The following TCFL5 variants were observed in gnomAD, a reference collection of about 807,000 sequenced individuals.
TCFL5 encodes transcription factor like 5.
A neutral mutation model predicts 44.3 loss-of-function variants in TCFL5; 9 were observed. The ratio of observed to expected loss-of-function variants is 0.20; its 90% CI spans 0.12 to 0.35. The LOEUF (loss-of-function observed/expected upper bound fraction) is 0.35. Among genes scored for constraint, TCFL5 ranks in the 10% least tolerant of loss-of-function variants. The probability of loss-of-function intolerance (pLI) is 1.00; values close to 1 mark genes in which losing one functional copy is unlikely to be tolerated. For missense variants in TCFL5, 603 were observed against 613.4 expected (o/e 0.98, Z 0.18); for synonymous variants, 319 against 271.6 (o/e 1.17, Z -1.72).
intron 5 of TCFL5, among the ~76,000 whole-genome samples, chr20:62,844,070 T>A (rs1161750336): frequency 2.0e-5 from 3 of 152,170 alleles, no homozygotes; most frequent in African/African-American, 7.2e-5. Context: ...AAGCATCCAT[T>A]TGGGTCCCTG....
In TCFL5 at chr20:62,851,001, T is replaced by G. The variant is rs894380496; in HGVS notation, c.1380+3015A>C. Among the ~76,000 whole-genome samples, 7 of 152,338 alleles carry G rather than the reference T, an allele frequency of 4.6e-5. No individual in the cohort carries two copies. The East Asian group carries it at 1.3e-3, about 29-fold the overall frequency. Reference sequence around the variant, plus strand: ...CTCCATGCCAGACATGCCTCTATCTTGCGCAGGGTACCCCAGCACCTTCAG... The same window carrying G: ...CTCCATGCCAGACATGCCTCTATCTGGCGCAGGGTACCCCAGCACCTTCAG... On this transcript the variant is annotated intron_variant, in intron 5 of 5. Transcript: ENST00000335351.
chr20:62,857,462 G>T lies in TCFL5; in HGVS notation c.1171C>A (p.Gln391Lys). Reference sequence around the variant, plus strand: ...GACCTTCCTCCCTGGGGCCCACTCTGGGCCTGCTCCCCCAGGTTTGCCTGT... The same window carrying T: ...GACCTTCCTCCCTGGGGCCCACTCTTGGCCTGCTCCCCCAGGTTTGCCTGT... ...SSQANLGEQA[Q>K]SGPQGGRSQR... The change falls in exon 4 of 6, where the codon CAG becomes AAG. Residue 391 changes from glutamine to lysine, a missense_variant. This residue lies in a region of TCFL5 where 540 missense variants were observed against 478.7 expected (regional missense o/e 1.13). Coordinates refer to ENST00000335351, the MANE Select transcript of TCFL5 (RefSeq NM_006602.4). 1 of 1,614,194 alleles carries T rather than the reference G, an allele frequency of 6.2e-7. No homozygotes were observed. Among genetic ancestry groups the T allele is most frequent in the Non-Finnish European group, 8.5e-7 (1 of 1,180,032 alleles).
chr20:62,851,878 T>C (rs1337969490), intron 5 of TCFL5: 1 of 953,802 alleles, frequency 1.0e-6, no homozygotes, highest in Non-Finnish European at 1.2e-6. Context: ...GGTGCTATCT[T>C]GGCTCATTGC....
At chr20:62,846,779 AGAG>A (rs1465884212) in intron 5 of TCFL5, among the ~76,000 whole-genome samples, 1 of 149,262 alleles carries the variant, frequency 6.7e-6, no homozygotes, top group Admixed American at 6.7e-5. Flanking sequence ...AAAAAAAAAA[AGAG>A]AGAAAGAAAA....
rs1299121384 is a variant in TCFL5 at position 62,842,874 on chromosome 20, G to A, written c.1381-777C>T. 1.3e-5 allele frequency among the ~76,000 whole-genome samples: 2 copies of A among 152,208 alleles called. No individual in the cohort carries two copies. Among genetic ancestry groups the A allele is most frequent in the Non-Finnish European group, 2.9e-5 (2 of 68,032 alleles). On this transcript the variant is annotated intron_variant, in intron 5 of 5. Transcript: ENST00000335351. This position sits in a 1 kb window ranked among gnomAD's most constrained non-coding sequence, Gnocchi z 4.3. ...ACTGCCACACACTCAGGGTTCCAAG[G>A]CCAGCAAGGTGGAGGTGCTGCTCGC...
At chr20:62,851,264 TA>T (rs984904707) in intron 5 of TCFL5, among the ~76,000 whole-genome samples, 9 of 152,206 alleles carry the variant, frequency 5.9e-5, no homozygotes, top group African/African-American at 1.9e-4. Context: ...GTGGGTCTAA[TA>T]ATGTGACCCA....
chr20:62,858,278 C>T (rs1038874960), intron 3 of TCFL5, among the ~76,000 whole-genome samples: 4 of 152,254 alleles, frequency 2.6e-5, no homozygotes, highest in Admixed American at 6.5e-5. Context: ...GGACCACAGG[C>T]ACGTGACTGG....
chr20:62,854,321 G>A (rs1433223475), intron 4 of TCFL5, among the ~76,000 whole-genome samples, 164 bp from the exon 5 acceptor site: 2 of 152,210 alleles, frequency 1.3e-5, no homozygotes, highest in Admixed American at 6.5e-5. Flanking sequence ...GCTTTGCCAC[G>A]GCCTTGTCTA....
At chr20:62,859,866 G>A (rs919667768) in intron 2 of TCFL5, among the ~76,000 whole-genome samples, 1 of 151,934 alleles carries the variant, frequency 6.6e-6, no homozygotes, top group Non-Finnish European at 1.5e-5. Flanking sequence ...GATTACAGGT[G>A]TCCGCCACTA....
At position 62,861,183 on chromosome 20, in the gene TCFL5, C is replaced by G. The variant is rs2063998295; in HGVS notation, c.488G>C (p.Gly163Ala). The G allele has an allele frequency of 9.7e-7, 1 of 1,030,052 alleles. No individual in the cohort carries two copies. The highest frequency in any genetic ancestry group is 1.2e-6 in the Non-Finnish European group (1 of 863,952). The allele number at this position is 1,030,052 out of a possible 1,614,324, so 63.8% of individuals were successfully genotyped here. The part of the protein sequence containing the change: ...RADGAAKEGA[G>A]AAAAAAGPDG... ...GGGTCCAGCCGCAGCCGCAGCCGCG[C>G]CCGCGCCCTCCTTGGCGGCGCCGTC... The change falls in exon 1 of 6, where the codon GGC (glycine) becomes GCC (alanine). Residue 163 changes from glycine (G) to alanine (A), a missense_variant. This residue lies in a region of TCFL5 where 540 missense variants were observed against 478.7 expected (regional missense o/e 1.13). Coordinates refer to ENST00000335351, the MANE Select transcript of TCFL5 (RefSeq NM_006602.4). The surrounding 1 kb of genome is among the most constrained non-coding windows in gnomAD (Gnocchi z 4.0).
chr20:62,859,863 G>A (rs1432360217), intron 2 of TCFL5, among the ~76,000 whole-genome samples: 1 of 151,962 alleles, frequency 6.6e-6, no homozygotes, highest in Non-Finnish European at 1.5e-5. Flanking sequence ...TGGGATTACA[G>A]GTGTCCGCCA....
In TCFL5 at chr20:62,861,747, A is replaced by AGGCGACC. The variant is rs1555833249; in HGVS notation, c.-84_-78dup. On this transcript the variant is annotated 5_prime_UTR_variant, in exon 1 of 6. Coordinates refer to ENST00000335351, the MANE Select transcript of TCFL5 (RefSeq NM_006602.4). This position sits in a 1 kb window ranked among gnomAD's most constrained non-coding sequence, Gnocchi z 4.0. ...CGGGAGGCGGGAGGCGGGAGGCGGG[A>AGGCGACC]GGCGACCCCCGGCCCGAGCACTACT... 5 of 143,390 alleles carry AGGCGACC rather than the reference A, an allele frequency of 3.5e-5. No individual in the cohort carries two copies. The highest frequency in any genetic ancestry group is 7.7e-5 in the African/African-American group (3 of 39,020). The allele number at this position is 143,390 out of a possible 1,614,324, so 8.9% of individuals were successfully genotyped here.
chr20:62,845,582 T>G (rs1600826588), intron 5 of TCFL5: 1 of 1,529,968 alleles, frequency 6.5e-7, no homozygotes, highest in African/African-American at 1.4e-5. Context: ...AGTCAGAGCC[T>G]GGGCCGGCTC....
chr20:62,850,107 G>A (rs1379681385), intron 5 of TCFL5, among the ~76,000 whole-genome samples: 1 of 152,138 alleles, frequency 6.6e-6, no homozygotes, highest in South Asian at 2.1e-4. Context: ...ATGGCACTGG[G>A]ATTCTGTGGA....
intron 5 of TCFL5, chr20:62,845,575 C>CA (rs2063731100): frequency 6.6e-7 from 1 of 1,510,976 alleles, no homozygotes. Context: ...AAATGAAAGT[C>CA]AGAGCCTGGG....
chr20:62,844,767 TG>T lies in TCFL5; in HGVS notation c.1381-2671del, dbSNP rs1429837050. The T allele has an allele frequency of 5.3e-6, 3 of 560,992 alleles. No homozygotes were observed. In the African/African-American group the frequency reaches 6.2e-5, roughly 12 times the overall value. The allele number at this position is 560,992 out of a possible 1,614,324, so 34.8% of individuals were successfully genotyped here. On this transcript the variant is annotated intron_variant, in intron 5 of 5. Coordinates refer to ENST00000335351, the MANE Select transcript of TCFL5 (RefSeq NM_006602.4). ...CCTGCCACCACACCCGGCTAATTTT[TG>T]TTTTTTTAGTAGAGACAGGGTTTCA...
Position 62,842,314 on chromosome 20 carries a change from T to A in TCFL5, c.1381-217A>T, listed in dbSNP as rs149522272. ...TTTCAAATAGCAGTTACACTGTACA[T>A]GTACTTTTGTTTTTCCAATACTCAG... On this transcript the variant is annotated intron_variant, in intron 5 of 5. Transcript: ENST00000335351. The surrounding 1 kb of genome is among the most constrained non-coding windows in gnomAD (Gnocchi z 4.3). Among the ~76,000 whole-genome samples, 28 of 152,174 alleles carry A rather than the reference T, an allele frequency of 1.8e-4. No individual in the cohort carries two copies. The highest frequency in any genetic ancestry group is 6.7e-4 in the African/African-American group (28 of 41,506).
At position 62,861,213 on chromosome 20, in the gene TCFL5, C is replaced by A; in HGVS notation, c.458G>T (p.Arg153Leu). 1 of 1,114,954 alleles carries A rather than the reference C, an allele frequency of 9.0e-7. No individual in the cohort carries two copies. Among genetic ancestry groups the A allele is most frequent in the South Asian group, 2.3e-5 (1 of 43,826 alleles). The allele number at this position is 1,114,954 out of a possible 1,614,324, so 69.1% of individuals were successfully genotyped here. A position where few individuals can be genotyped will look rare whatever the true frequency, so the allele number is the denominator to read the frequency against. ...GCCCTCCTTGGCGGCGCCGTCGGCC[C>A]GGGCCCTCGCTCCGTCCCCGCCGCC... ...TSGGGDGARA[R>L]ADGAAKEGAG... The change falls in exon 1 of 6, where the codon CGG becomes CTG. Residue 153 changes from arginine (R) to leucine (L), a missense_variant. By Grantham distance (102) the Arg-to-Leu change is moderately radical. Coordinates refer to ENST00000335351, the MANE Select transcript of TCFL5 (RefSeq NM_006602.4). The surrounding 1 kb of genome is among the most constrained non-coding windows in gnomAD (Gnocchi z 4.0).
intron 5 of TCFL5, chr20:62,844,994 A>G (rs2063723282): frequency 1.0e-6 from 1 of 985,820 alleles, no homozygotes. Context: ...CTTCTGAACC[A>G]CCTGGAGTGA....
Sources: gnomAD v4.1 joint callset for allele counts (sites outside exome capture counted in the v4.1 genomes callset) on GRCh38, gnomAD v4.1.1 for gene constraint, gnomAD v4.1.1 regional missense constraint, Gnocchi (gnomAD v3.1) non-coding constraint, MANE v1.5 for transcripts, NCBI Gene and HGNC (gene_info 2026-07-23, HGNC 2026-07-21) for gene names.